Variants in STPG1 observed in about 807,000 individuals in gnomAD.
STPG1 encodes sperm tail PG-rich repeat containing 1, also known as O(6)-methylguanine-induced apoptosis 2.
Under a neutral mutation model 40.1 loss-of-function variants are expected in STPG1, and 33 were observed. The observed-to-expected ratio is 0.82, with a 90% confidence interval of 0.62 to 1.10. The LOEUF is 1.10. Ranked by LOEUF, STPG1 falls within the 50% of genes least tolerant of loss-of-function variation. The pLI, the probability that STPG1 is intolerant of heterozygous loss-of-function variation, is 0.00. For missense variants in STPG1, 396 were observed against 415.1 expected (o/e 0.95, Z 0.40); for synonymous variants, 150 against 155.0 (o/e 0.97, Z 0.24).
chr1:24,388,587 TTC>T (rs1264285084), intron 3 of STPG1, among the ~76,000 whole-genome samples: 1 of 152,212 alleles, frequency 6.6e-6, no homozygotes. Flanking sequence ...AGGGCACTGA[TTC>T]TCTGTGTCAA....
upstream of STPG1, chr1:24,414,583 G>C (rs1375361615): frequency 7.8e-6 from 1 of 128,966 alleles, no homozygotes; most frequent in Non-Finnish European, 1.6e-5. Flanking sequence ...TCGCCCAGCT[G>C]GAGTGCAGTG....
chr1:24,379,915 C>T (rs966670401), intron 4 of STPG1, 92 bp from the exon 5 acceptor site: 61 of 1,308,762 alleles, frequency 4.7e-5, no homozygotes, highest in Non-Finnish European at 6.1e-5. Flanking sequence ...AGCACAAGGT[C>T]TAAATGCATT....
chr1:24,373,680 C>G, intron 6 of STPG1, 22 bp downstream of exon 6: 1 of 1,528,958 alleles, frequency 6.5e-7, no homozygotes, highest in Non-Finnish European at 9.1e-7. Context: ...TAGGTCAAGG[C>G]CAGTGCAAAG....
chr1:24,387,822 G>A (rs115814652), intron 3 of STPG1, among the ~76,000 whole-genome samples: 20 of 152,268 alleles, frequency 1.3e-4, no homozygotes, highest in African/African-American at 4.8e-4. Flanking sequence ...ACCCTACTGT[G>A]GGTCAGATAT....
intron 6 of STPG1, among the ~76,000 whole-genome samples, chr1:24,370,317 C>CTTTT (rs10679997): frequency 1.5e-5 from 2 of 137,128 alleles, no homozygotes; most frequent in Admixed American, 7.4e-5. Context: ...CAACAACTAT[C>CTTTT]TTTTTTTTTT....
intron 6 of STPG1, among the ~76,000 whole-genome samples, chr1:24,370,395 C>T (rs957326447): frequency 1.3e-5 from 2 of 150,592 alleles, no homozygotes; most frequent in African/African-American, 2.4e-5. Flanking sequence ...AATCACAGCT[C>T]ACTGTAGCCT....
intron 3 of STPG1, among the ~76,000 whole-genome samples, chr1:24,387,073 T>C (rs1288160962): frequency 6.6e-6 from 1 of 152,158 alleles, no homozygotes; most frequent in Non-Finnish European, 1.5e-5. Flanking sequence ...GACCCTCCCT[T>C]GGGAGTCACA....
Position 24,399,578 on chromosome 1 carries a change from C to T in STPG1, c.70+1741G>A, listed in dbSNP as rs1342348951. Among the ~76,000 whole-genome samples the T allele has an allele frequency of 6.6e-6, 1 of 151,984 alleles. No individual in the cohort carries two copies. Among genetic ancestry groups the T allele is most frequent in the Admixed American group, 6.6e-5 (1 of 15,258 alleles). On this transcript the variant is annotated intron_variant, in intron 2 of 8. Transcript: ENST00000337248. This position sits in a 1 kb window ranked among gnomAD's most constrained non-coding sequence, Gnocchi z 4.0. ...AATCAAGAGTTTCTGTGTCTTAGCA[C>T]ATTGTTAAGAGAGTGAAAAGGAAAG...
At chr1:24,398,056 G>A (rs575124161) in intron 2 of STPG1, among the ~76,000 whole-genome samples, 12 of 152,140 alleles carry the variant, frequency 7.9e-5, no homozygotes, top group African/African-American at 2.2e-4. Flanking sequence ...CACTATTAGC[G>A]TATGAAAATT....
At chr1:24,374,163 G>A (rs1022478354) in intron 5 of STPG1, among the ~76,000 whole-genome samples, 2 of 151,434 alleles carry the variant, frequency 1.3e-5, no homozygotes, top group African/African-American at 4.9e-5. Context: ...TCTGTAAAAC[G>A]GATTGGACAG....
At chr1:24,391,861 G>A (rs555429968) in intron 2 of STPG1, 182 bp from the exon 3 acceptor site, 49 of 1,323,320 alleles carry the variant, frequency 3.7e-5, no homozygotes, top group South Asian at 2.4e-4. Flanking sequence ...TTTCCCTCTC[G>A]GCAATTTATC....
intron 1 of STPG1, 76 bp from the exon 2 acceptor site, chr1:24,401,532 T>A: frequency 1.4e-6 from 1 of 708,188 alleles, no homozygotes; most frequent in Non-Finnish European, 2.5e-6. Context: ...CTGTTCTATC[T>A]ACAGGGTAAA....
At chr1:24,361,209 A>C (rs960559533) in intron 7 of STPG1, among the ~76,000 whole-genome samples, 168 bp from the exon 8 acceptor site, 2 of 152,294 alleles carry the variant, frequency 1.3e-5, no homozygotes, top group South Asian at 2.1e-4. Context: ...GGACCCCTGG[A>C]TCTGTTTCTT....
chr1:24,398,127 G>A (rs1162613043), intron 2 of STPG1, among the ~76,000 whole-genome samples: 1 of 152,018 alleles, frequency 6.6e-6, no homozygotes, highest in Admixed American at 6.5e-5. Context: ...CATCCCATTA[G>A]GTATGTAATG....
At chr1:24,386,906 C>T (rs564082394) in intron 3 of STPG1, among the ~76,000 whole-genome samples, 1 of 152,270 alleles carries the variant, frequency 6.6e-6, no homozygotes, top group Admixed American at 6.5e-5. Context: ...CTAGGGAAGC[C>T]CTACCCACTG....
In STPG1 at chr1:24,397,896, C is replaced by G. The variant is rs1388684906; in HGVS notation, c.70+3423G>C. Among the ~76,000 whole-genome samples, 4 of 152,106 alleles carry G rather than the reference C, an allele frequency of 2.6e-5. No homozygotes were observed. The East Asian group carries it at 7.7e-4, about 29-fold the overall frequency. On this transcript the variant is annotated intron_variant, in intron 2 of 8. Transcript: ENST00000337248. Reference sequence around the variant, plus strand: ...TTTGGGGGCATTACAAATAAAACTGCTATGAGCATTTTATCTACAAGTCTT... The same window carrying G: ...TTTGGGGGCATTACAAATAAAACTGGTATGAGCATTTTATCTACAAGTCTT...
chr1:24,379,586 C>T, intron 5 of STPG1, 67 bp downstream of exon 5: 1 of 1,553,062 alleles, frequency 6.4e-7, no homozygotes, highest in Non-Finnish European at 8.9e-7. Flanking sequence ...CCAAGATCCC[C>T]TCTTCCTTTT....
intron 3 of STPG1, among the ~76,000 whole-genome samples, chr1:24,388,621 A>G (rs1157998757): frequency 6.6e-6 from 1 of 152,246 alleles, no homozygotes; most frequent in Non-Finnish European, 1.5e-5. Flanking sequence ...GGTGGGCCAC[A>G]GGACTACTGC....
intron 1 of STPG1, among the ~76,000 whole-genome samples, chr1:24,408,401 A>T (rs977351903): frequency 6.6e-6 from 1 of 152,336 alleles, no homozygotes; most frequent in East Asian, 1.9e-4. Flanking sequence ...ATTACTGCTC[A>T]GCCAAAAACT....
Sources: allele counts gnomAD v4.1 joint callset (sites outside exome capture counted in the v4.1 genomes callset), GRCh38; gene constraint gnomAD v4.1.1; non-coding constraint Gnocchi (gnomAD v3.1); transcripts MANE v1.5; gene names NCBI Gene and HGNC (gene_info 2026-07-23, HGNC 2026-07-21).